Variants in COL24A1 observed in about 807,000 individuals in gnomAD.
COL24A1 encodes the protein collagen type XXIV alpha 1 chain.
Under a neutral mutation model 253.9 loss-of-function variants are expected in COL24A1, and 224 were observed. That is an observed-to-expected ratio of 0.88 (90% confidence interval 0.79 to 0.99). The LOEUF is 0.99. Ranked by LOEUF, COL24A1 falls within the 50% of genes least tolerant of loss-of-function variation. COL24A1 has a pLI of 0.00. For synonymous variants in COL24A1, 685 were observed against 673.7 expected, an observed-to-expected ratio of 1.02 and a Z score of -0.26; for missense variants, 2,131 against 2,068.5, an observed-to-expected ratio of 1.03 and a Z score of -0.59.
intron 39 of COL24A1, among the ~76,000 whole-genome samples, chr1:85,843,696 G>A (rs1352519310): frequency 6.6e-6 from 1 of 152,118 alleles, no homozygotes; most frequent in South Asian, 2.1e-4. Context: ...AGGTTCAGGT[G>A]ACTAACTGGG....
intron 14 of COL24A1, among the ~76,000 whole-genome samples, chr1:86,026,955 C>G (rs1265585519): frequency 6.6e-6 from 1 of 152,152 alleles, no homozygotes; most frequent in East Asian, 1.9e-4. Flanking sequence ...GTGACTCTTG[C>G]TATGCTTTAG....
intron 27 of COL24A1, 43 bp downstream of exon 27, chr1:85,908,550 TTAAAG>T (rs1251380941): frequency 1.6e-5 from 17 of 1,071,902 alleles, no homozygotes; most frequent in Non-Finnish European, 2.1e-5. Flanking sequence ...TGAGTTTAAA[TTAAAG>T]TAAACATTCC....
intron 19 of COL24A1, among the ~76,000 whole-genome samples, chr1:86,010,274 G>A (rs1256621336): frequency 6.6e-6 from 1 of 152,044 alleles, no homozygotes; most frequent in African/African-American, 2.4e-5. Context: ...AAAGTCAAAA[G>A]ACAAGTGACA....
At chr1:85,970,459 G>A (rs776055550) in intron 21 of COL24A1, among the ~76,000 whole-genome samples, 188 bp from the exon 22 acceptor site, 4 of 151,894 alleles carry the variant, frequency 2.6e-5, no homozygotes, top group Non-Finnish European at 4.4e-5. Flanking sequence ...TGTGAACCTG[G>A]TGCATTCGTG....
At chr1:85,901,675 T>A (rs1279043157) in intron 28 of COL24A1, among the ~76,000 whole-genome samples, 2 of 150,288 alleles carry the variant, frequency 1.3e-5, no homozygotes, top group Non-Finnish European at 3.0e-5. Flanking sequence ...CTGGGCATGG[T>A]GGCTGAGTAG....
At chr1:85,985,347 T>C (rs1039479904) in intron 20 of COL24A1, among the ~76,000 whole-genome samples, 2 of 151,750 alleles carry the variant, frequency 1.3e-5, no homozygotes, top group Admixed American at 1.3e-4. Flanking sequence ...ATAGTTTGGC[T>C]GAAGTGATGC....
intron 53 of COL24A1, among the ~76,000 whole-genome samples, chr1:85,773,457 A>C (rs1429553754): frequency 1.3e-5 from 2 of 152,070 alleles, no homozygotes; most frequent in African/African-American, 4.8e-5. Flanking sequence ...AAATTACTTT[A>C]GGCAGTATGG....
At chr1:86,118,166 A>G (rs1706333704) in intron 3 of COL24A1, among the ~76,000 whole-genome samples, 1 of 151,696 alleles carries the variant, frequency 6.6e-6, no homozygotes, top group Non-Finnish European at 1.5e-5. Context: ...GGGTTCAAGC[A>G]ATTCTCCTGC....
intron 57 of COL24A1, among the ~76,000 whole-genome samples, chr1:85,741,363 T>G (rs1322796273): frequency 6.6e-6 from 1 of 152,198 alleles, no homozygotes; most frequent in Non-Finnish European, 1.5e-5. Context: ...GAAAATGTTA[T>G]CTTTTATAGA....
chr1:86,049,273 G>T (rs1041527065), intron 11 of COL24A1, among the ~76,000 whole-genome samples: 1 of 152,108 alleles, frequency 6.6e-6, no homozygotes, highest in Admixed American at 6.5e-5. Flanking sequence ...TTTCTTCTCT[G>T]CAGGGGCATT....
intron 24 of COL24A1, among the ~76,000 whole-genome samples, chr1:85,944,393 C>A (rs187659661): frequency 1.3e-5 from 2 of 152,190 alleles, no homozygotes; most frequent in Admixed American, 1.3e-4. Context: ...ATTAAAGTAG[C>A]CTAGGAAGTG....
At chr1:86,039,754 A>T (rs1699314559) in intron 12 of COL24A1, among the ~76,000 whole-genome samples, 1 of 152,212 alleles carries the variant, frequency 6.6e-6, no homozygotes, top group Non-Finnish European at 1.5e-5. Flanking sequence ...TTATTTTTAC[A>T]CATTCTGCAT....
At chr1:85,897,068 T>C (rs1170423133) in intron 28 of COL24A1, among the ~76,000 whole-genome samples, 1 of 152,208 alleles carries the variant, frequency 6.6e-6, no homozygotes, top group Admixed American at 6.5e-5. Flanking sequence ...CTGGATTTGT[T>C]TCTCTAAGCA....
At chr1:86,060,697 CT>C (rs1428392606) in intron 8 of COL24A1, among the ~76,000 whole-genome samples, 1 of 151,936 alleles carries the variant, frequency 6.6e-6, no homozygotes, top group Admixed American at 6.6e-5. Context: ...ATGAGATACA[CT>C]TTTCTTCATT....
intron 45 of COL24A1, among the ~76,000 whole-genome samples, chr1:85,822,302 C>A (rs1005286456): frequency 1.3e-5 from 2 of 152,096 alleles, no homozygotes; most frequent in African/African-American, 4.8e-5. Flanking sequence ...GTGAAGGCTG[C>A]TTAACAAATC....
intron 2 of COL24A1, among the ~76,000 whole-genome samples, chr1:86,137,989 T>G (rs984637442): frequency 3.3e-5 from 5 of 152,160 alleles, no homozygotes; most frequent in African/African-American, 1.2e-4. Flanking sequence ...TCTCTTCTTA[T>G]CTCTCTGATC....
At chr1:85,787,162 A>G (rs1211865191) in intron 47 of COL24A1, among the ~76,000 whole-genome samples, 1 of 152,178 alleles carries the variant, frequency 6.6e-6, no homozygotes, top group Admixed American at 6.5e-5. Flanking sequence ...CTGCATTTGC[A>G]CAACAATAGC....
At chr1:86,112,761 T>C in intron 4 of COL24A1, 141 bp from the exon 5 acceptor site, 1 of 634,700 alleles carries the variant, frequency 1.6e-6, no homozygotes, top group East Asian at 3.1e-5. Flanking sequence ...CTTAAAGACC[T>C]ACTTACTTCA....
intron 14 of COL24A1, among the ~76,000 whole-genome samples, chr1:86,031,283 A>G (rs959977322): frequency 9.9e-5 from 15 of 152,108 alleles, no homozygotes; most frequent in African/African-American, 3.6e-4. Context: ...GGTATGATAA[A>G]TAGGTACAAA....
Sources: gnomAD v4.1 joint callset for allele counts (sites outside exome capture counted in the v4.1 genomes callset) on GRCh38, gnomAD v4.1.1 for gene constraint, MANE v1.5 for transcripts, NCBI Gene and HGNC (gene_info 2026-07-23, HGNC 2026-07-21) for gene names.